PTPN2: variants seen among roughly 807,000 people sequenced by gnomAD.
PTPN2 encodes tyrosine-protein phosphatase non-receptor type 2.
PTPN2 carries 19 observed loss-of-function variants against 57.3 expected under a neutral mutation model. The ratio of observed to expected loss-of-function variants is 0.33; its 90% CI spans 0.23 to 0.49. The LOEUF is 0.49. Among genes scored for constraint, PTPN2 ranks in the 20% least tolerant of loss-of-function variants. The pLI is 0.99. For synonymous variants in PTPN2, 153 were observed against 164.9 expected (o/e 0.93, Z 0.55); for missense variants, 358 against 501.1 (o/e 0.71, Z 2.73).
At chr18:12,847,137 C>T (rs657555) in intron 2 of PTPN2, among the ~76,000 whole-genome samples, 118,573 of 151,904 alleles carry the variant, frequency 0.78, 47,023 homozygotes, top group Middle Eastern at 0.87. Flanking sequence ...AAGAGATGAA[C>T]AGGGGCAAGA....
intron 7 of PTPN2, among the ~76,000 whole-genome samples, chr18:12,802,562 AC>A (rs1445830398): frequency 6.6e-6 from 1 of 152,192 alleles, no homozygotes; most frequent in Non-Finnish European, 1.5e-5. Context: ...TCTCCAAGGT[AC>A]ATTATAATAA....
At position 12,794,473 on chromosome 18, in the gene PTPN2, T is replaced by C; in HGVS notation, c.1053A>G (p.Lys351=). Residue 351 remains lysine, a synonymous_variant, in exon 9 of 9, where the codon AAA becomes AAG. Coordinates refer to ENST00000309660, the MANE Select transcript of PTPN2 (RefSeq NM_002828.4). ...MEENSESALR[K]RIREDRKATT... is the part of the protein sequence containing the mutation. ...TGGCCTTTCTGTCCTCTCGAATACG[T>C]TTCCGTAGAGCACTATGAGGAAATA... 1 of 1,613,388 alleles carries C rather than the reference T, an allele frequency of 6.2e-7. No homozygotes were observed. The highest frequency in any genetic ancestry group is 2.2e-5 in the East Asian group (1 of 44,886).
chr18:12,829,778 C>A (rs574330334), intron 4 of PTPN2, among the ~76,000 whole-genome samples: 2 of 152,224 alleles, frequency 1.3e-5, no homozygotes, highest in East Asian at 1.9e-4. Flanking sequence ...ATTGGATTAT[C>A]ATCATTTGTA....
At chr18:12,826,333 G>A (rs1017766853) in intron 4 of PTPN2, among the ~76,000 whole-genome samples, 2 of 152,160 alleles carry the variant, frequency 1.3e-5, no homozygotes, top group African/African-American at 2.4e-5. Flanking sequence ...AACCCAGGAG[G>A]TGGAGGTTGC....
At chr18:12,865,587 T>C (rs180880449) in intron 1 of PTPN2, among the ~76,000 whole-genome samples, 12 of 151,916 alleles carry the variant, frequency 7.9e-5, no homozygotes, top group East Asian at 3.9e-4. Context: ...GGTGGGCAGA[T>C]TGCCTGAGCT....
At position 12,794,035 on chromosome 18, in the gene PTPN2, C is replaced by T. The variant is rs949147331; in HGVS notation, c.*243G>A. ...TGTATGAATACAGTTGCAAAATTTA[C>T]CAGTTTTTAACAAACATGAATGTCT... On this transcript the variant is annotated 3_prime_UTR_variant, in exon 9 of 9. Coordinates refer to ENST00000309660, the MANE Select transcript of PTPN2 (RefSeq NM_002828.4). 7.3e-7 allele frequency: 1 copy of T among 1,375,458 alleles called. No individual in the cohort carries two copies. The highest frequency in any genetic ancestry group is 9.4e-7 in the Non-Finnish European group (1 of 1,067,592). The allele number at this position is 1,375,458 out of a possible 1,614,324, so 85.2% of individuals were successfully genotyped here. A position where few individuals can be genotyped will look rare whatever the true frequency, so the allele number is the denominator to read the frequency against.
rs142734599 is a variant in PTPN2 at position 12,884,079 on chromosome 18, C to T, written c.63G>A (p.Leu21=). The change falls in exon 1 of 9, where the codon CTG becomes CTA. Residue 21 remains leucine, a synonymous_variant. Transcript: ENST00000309660. The part of the protein sequence containing the change: ...ELDTQRRWQP[L]YLEIRNESHD... ...GCGTGGGTCCGCGACTCACCAAGTA[C>T]AGCGGCTGCCAGCGACGCTGAGTAT... is the stretch of plus-strand genomic sequence containing the variant. The T allele has an allele frequency of 2.6e-5, 41 of 1,577,874 alleles. No homozygotes were observed. In the African/African-American group the frequency reaches 3.9e-4, roughly 15 times the overall value.
chr18:12,857,041 A>G (rs1471382796), intron 2 of PTPN2, among the ~76,000 whole-genome samples: 2 of 140,428 alleles, frequency 1.4e-5, no homozygotes, highest in African/African-American at 5.2e-5. Flanking sequence ...AGCCTGGGTA[A>G]CAGAGTGAGA....
intron 1 of PTPN2, among the ~76,000 whole-genome samples, chr18:12,878,927 A>G (rs1206167946): frequency 1.3e-5 from 2 of 152,210 alleles, no homozygotes; most frequent in African/African-American, 4.8e-5. Context: ...CCCATAACAT[A>G]GCTTTTGCGA....
intron 2 of PTPN2, among the ~76,000 whole-genome samples, chr18:12,856,129 G>A (rs999405389): frequency 3.9e-5 from 6 of 152,208 alleles, no homozygotes; most frequent in East Asian, 1.9e-4. Flanking sequence ...GCAATGAGCC[G>A]TAGTTCTTTC....
intron 2 of PTPN2, among the ~76,000 whole-genome samples, chr18:12,847,586 AGCTTTGATTTG>A (rs1287700628): frequency 6.6e-6 from 1 of 151,208 alleles, no homozygotes; most frequent in East Asian, 1.9e-4. Context: ...CATCATAAAT[AGCTTTGATTTG>A]GCTTTGATTA....
At chr18:12,855,494 G>A (rs2043556256) in intron 2 of PTPN2, among the ~76,000 whole-genome samples, 1 of 152,248 alleles carries the variant, frequency 6.6e-6, no homozygotes, top group Non-Finnish European at 1.5e-5. Context: ...GGAAGGATAG[G>A]GGCAAAAGAA....
chr18:12,815,076 T>C (rs2042021427), intron 6 of PTPN2, among the ~76,000 whole-genome samples: 1 of 144,446 alleles, frequency 6.9e-6, no homozygotes, highest in Non-Finnish European at 1.5e-5. Context: ...AGAGCGAGAC[T>C]CCATCTCAAA....
intron 2 of PTPN2, among the ~76,000 whole-genome samples, chr18:12,843,493 TC>T (rs982350506): frequency 3.9e-5 from 6 of 151,978 alleles, no homozygotes; most frequent in African/African-American, 1.4e-4. Context: ...ACTCCAGCAC[TC>T]CCCCACTGCA....
chr18:12,883,597 C>G (rs2044741021), intron 1 of PTPN2: 1 of 152,580 alleles, frequency 6.6e-6, no homozygotes, highest in African/African-American at 2.4e-5. Context: ...CTCACCGCTC[C>G]CGGGGACGCC....
At chr18:12,819,748 G>C (rs966202355) in intron 5 of PTPN2, among the ~76,000 whole-genome samples, 1 of 151,612 alleles carries the variant, frequency 6.6e-6, no homozygotes, top group Non-Finnish European at 1.5e-5. Context: ...TTACAAAGCA[G>C]CAGGTGGGCA....
chr18:12,801,348 A>G (rs2041415898), intron 8 of PTPN2, among the ~76,000 whole-genome samples: 1 of 151,982 alleles, frequency 6.6e-6, no homozygotes, highest in African/African-American at 2.4e-5. Flanking sequence ...CCCTCTCTCT[A>G]CTAAAAATAC....
intron 8 of PTPN2, among the ~76,000 whole-genome samples, chr18:12,798,281 G>C (rs556230182): frequency 1.3e-5 from 2 of 152,226 alleles, no homozygotes; most frequent in African/African-American, 4.8e-5. Flanking sequence ...GTGCAGGCTT[G>C]TTACATAAGC....
At chr18:12,808,893 A>T (rs1196030797) in intron 7 of PTPN2, among the ~76,000 whole-genome samples, 1 of 152,224 alleles carries the variant, frequency 6.6e-6, no homozygotes, top group African/African-American at 2.4e-5. Context: ...CTTGAATCTT[A>T]ATCCACTTCT....
Sources: allele counts gnomAD v4.1 joint callset (sites outside exome capture counted in the v4.1 genomes callset), GRCh38; gene constraint gnomAD v4.1.1; transcripts MANE v1.5; gene names NCBI Gene and HGNC (gene_info 2026-07-23, HGNC 2026-07-21).